The following ORMDL1 variants were observed in gnomAD, a reference collection of about 807,000 sequenced individuals.
ORMDL1 encodes ORM1-like protein 1.
Under a neutral mutation model 13.0 loss-of-function variants are expected in ORMDL1, and 10 were observed. The ratio of observed to expected loss-of-function variants is 0.77; its 90% CI spans 0.47 to 1.30. The LOEUF (loss-of-function observed/expected upper bound fraction) is 1.30, where lower values mean the gene tolerates loss of function less well. Ranked by LOEUF, ORMDL1 falls within the 50% of genes most tolerant of loss-of-function variation. ORMDL1 has a pLI of 0.00. For missense variants in ORMDL1, 171 were observed against 186.7 expected, an observed-to-expected ratio of 0.92 and a Z score of 0.49; for synonymous variants, 61 against 63.9, an observed-to-expected ratio of 0.95 and a Z score of 0.22.
chr2:189,779,030 C>T (rs2047763481), intron 3 of ORMDL1, among the ~76,000 whole-genome samples: 1 of 152,058 alleles, frequency 6.6e-6, no homozygotes, highest in Admixed American at 6.5e-5. Context: ...ATCAGTCAAT[C>T]AGCTGAGCAT....
At position 189,782,474 on chromosome 2, in the gene ORMDL1, G is replaced by A. The variant is rs1218358304; in HGVS notation, c.122C>T (p.Pro41Leu). 2 of 1,613,972 alleles carry A rather than the reference G, an allele frequency of 1.2e-6. No individual in the cohort carries two copies. The highest frequency in any genetic ancestry group is 2.7e-5 in the African/African-American group (2 of 74,922). Reference protein sequence around the residue: ...GLLHIVLLSIPFFSVPVAWTL... With the variant: ...GLLHIVLLSILFFSVPVAWTL... ...CCAAGCAACAGGAACACTGAAGAAG[G>A]GAATGCTGAGTAAGACAATATGAAG... Residue 41 changes from proline to leucine, a missense_variant, in exon 3 of 5, where the codon CCC (proline) becomes CTC (leucine). Coordinates refer to ENST00000392349, the MANE Select transcript of ORMDL1 (RefSeq NM_016467.5).
At chr2:189,766,508 A>G (rs1228402498), downstream of ORMDL1, among the ~76,000 whole-genome samples, 27 of 152,120 alleles carry the variant, frequency 1.8e-4, no homozygotes, top group Admixed American at 1.8e-3. Flanking sequence ...TGGGCGGATT[A>G]CCTGGAGTCA....
chr2:189,773,275 AC>A, intron 4 of ORMDL1, among the ~76,000 whole-genome samples: 1 of 152,200 alleles, frequency 6.6e-6, no homozygotes, highest in East Asian at 1.9e-4. Context: ...GGTATGCAAA[AC>A]CCAGGTGGGA....
intron 3 of ORMDL1, among the ~76,000 whole-genome samples, chr2:189,779,523 C>G (rs781165188): frequency 6.6e-6 from 1 of 152,132 alleles, no homozygotes; most frequent in Non-Finnish European, 1.5e-5. Context: ...AGTGTATAGC[C>G]TCTATTTAGA....
In ORMDL1 at chr2:189,782,538, G is replaced by A. The variant is rs2047880473; in HGVS notation, c.58C>T (p.Arg20Trp). 1.2e-6 allele frequency: 2 copies of A among 1,614,162 alleles called. No individual in the cohort carries two copies. The highest frequency in any genetic ancestry group is 1.7e-6 in the Non-Finnish European group (2 of 1,180,014). The change falls in exon 3 of 5, where the codon CGG becomes TGG. Residue 20 changes from arginine to tryptophan, a missense_variant. Arg to Trp is a moderately radical substitution (Grantham distance 101). Transcript: ENST00000392349. ...VNPNTRVMNS[R>W]GMWLTYALGV... ...AATGCATATGTCAGCCACATACCCC[G>A]GCTGTTCATGACACGGGTATTTGGA...
At chr2:189,780,540 T>C (rs2047799575) in intron 3 of ORMDL1, among the ~76,000 whole-genome samples, 1 of 152,084 alleles carries the variant, frequency 6.6e-6, no homozygotes, top group African/African-American at 2.4e-5. Context: ...ATTCTACAGG[T>C]AGAAACTGAA....
At chr2:189,781,133 G>T (rs2047816907) in intron 3 of ORMDL1, among the ~76,000 whole-genome samples, 1 of 151,968 alleles carries the variant, frequency 6.6e-6, no homozygotes, top group Non-Finnish European at 1.5e-5. Context: ...ATGTTGCCCA[G>T]GCTGGTCTTG....
chr2:189,767,625 C>A (rs1477230841), downstream of ORMDL1, among the ~76,000 whole-genome samples: 1 of 152,076 alleles, frequency 6.6e-6, no homozygotes, highest in East Asian at 1.9e-4. Context: ...TACTAAAGTT[C>A]TTGTATTTAA....
chr2:189,779,400 T>C (rs112651291), intron 3 of ORMDL1, among the ~76,000 whole-genome samples: 1 of 152,186 alleles, frequency 6.6e-6, no homozygotes, highest in Admixed American at 6.5e-5. Flanking sequence ...GGAGCTATGA[T>C]CACGCCAGTC....
rs2047578491 is a variant in ORMDL1 at position 189,771,507 on chromosome 2, G to A, written c.*260C>T. The A allele has an allele frequency of 3.5e-6, 1 of 281,958 alleles. No homozygotes were observed. The highest frequency in any genetic ancestry group is 6.5e-6 in the Non-Finnish European group (1 of 153,276). 17.5% of individuals were successfully genotyped at this position (281,958 alleles called of 1,614,324 possible). A position where few individuals can be genotyped will look rare whatever the true frequency, so the allele number is the denominator to read the frequency against. On this transcript the variant is annotated 3_prime_UTR_variant, in exon 5 of 5. Coordinates refer to ENST00000392349, the MANE Select transcript of ORMDL1 (RefSeq NM_016467.5). ...TGAATTTATCTACTACACCCTCACT[G>A]TGATGCCCTTTAACTTATAAGCTGG...
intron 2 of ORMDL1, 84 bp from the exon 3 acceptor site, chr2:189,782,686 T>G: frequency 1.6e-6 from 2 of 1,286,224 alleles, no homozygotes; most frequent in Non-Finnish European, 1.1e-6. Flanking sequence ...GTACCTGTGT[T>G]GCGAGGATTA....
Sources: allele counts gnomAD v4.1 joint callset (sites outside exome capture counted in the v4.1 genomes callset), GRCh38; gene constraint gnomAD v4.1.1; transcripts MANE v1.5; gene names NCBI Gene and HGNC (gene_info 2026-07-23, HGNC 2026-07-21).